DOCK2: variants seen among roughly 807,000 people sequenced by gnomAD.
DOCK2 encodes dedicator of cytokinesis protein 2.
Under a neutral mutation model 248.9 loss-of-function variants are expected in DOCK2, and 87 were observed. That is an observed-to-expected ratio of 0.35 (90% confidence interval 0.29 to 0.42). The LOEUF (loss-of-function observed/expected upper bound fraction) is 0.42. Ranked by LOEUF, DOCK2 falls within the 10% of genes least tolerant of loss-of-function variation. The pLI is 1.00. For synonymous variants in DOCK2, 805 were observed against 821.6 expected (o/e 0.98, Z 0.35); for missense variants, 1,747 against 2,300.2 (o/e 0.76, Z 4.92).
chr5:169,681,626 CTCTTCTAT>C (rs1398527395), intron 6 of DOCK2, 110 bp from the exon 7 acceptor site: 57 of 1,272,828 alleles, frequency 4.5e-5, no homozygotes, highest in Non-Finnish European at 5.4e-5. Flanking sequence ...CAGTGTAGAG[CTCTTCTAT>C]GTGACTATAT....
intron 25 of DOCK2, among the ~76,000 whole-genome samples, chr5:169,780,569 G>C (rs980361638): frequency 2.0e-5 from 3 of 152,066 alleles, no homozygotes; most frequent in Non-Finnish European, 4.4e-5. Context: ...CCTCCTTCTC[G>C]TGCTTCTCTA....
intron 14 of DOCK2, among the ~76,000 whole-genome samples, chr5:169,706,285 A>G (rs1379632894): frequency 6.6e-6 from 1 of 152,254 alleles, no homozygotes; most frequent in African/African-American, 2.4e-5. Context: ...CATGGGATTT[A>G]CTGTAACTAC....
chr5:169,642,318 GC>G (rs1247134989), intron 1 of DOCK2, among the ~76,000 whole-genome samples: 3 of 152,330 alleles, frequency 2.0e-5, no homozygotes, highest in Non-Finnish European at 2.9e-5. Flanking sequence ...GGCCAATATG[GC>G]CCCTATCCTT....
chr5:169,895,193 A>G (rs7708829), intron 27 of DOCK2, among the ~76,000 whole-genome samples: 53,470 of 152,114 alleles, frequency 0.35, 10,751 homozygotes, highest in Non-Finnish European at 0.45. Context: ...GACAAAGGAT[A>G]TCCTTTTTCT....
rs759367449 is a variant in DOCK2, at chr5:169,681,790, T to C, written c.517T>C (p.Leu173=). ...TGTCAGAGATGAAGACGGAAATATC[T>C]TGGACCCTGATAATACCAGTGTCAT... ...LIVRDEDGNI[L]DPDNTSVISL... Residue 173 remains leucine, a synonymous_variant, in exon 7 of 52, where the codon TTG becomes CTG. Coordinates refer to ENST00000520908, the MANE Select transcript of DOCK2 (RefSeq NM_004946.3). The C allele has an allele frequency of 7.4e-6, 12 of 1,613,738 alleles. No homozygotes were observed. Among genetic ancestry groups the C allele is most frequent in the African/African-American group, 2.7e-5 (2 of 74,938 alleles).
chr5:170,070,164 G>T (rs749000392), intron 46 of DOCK2, among the ~76,000 whole-genome samples: 1 of 152,254 alleles, frequency 6.6e-6, no homozygotes, highest in African/African-American at 2.4e-5. Flanking sequence ...GGTGGGCTCC[G>T]GAGGGCAGGA....
At chr5:169,962,881 G>A in intron 27 of DOCK2, among the ~76,000 whole-genome samples, 1 of 152,144 alleles carries the variant, frequency 6.6e-6, no homozygotes, top group South Asian at 2.1e-4. Context: ...CCAGAACAGA[G>A]AAAGCCTTAG....
chr5:169,797,310 A>G (rs1366151345), intron 25 of DOCK2, among the ~76,000 whole-genome samples: 3 of 152,226 alleles, frequency 2.0e-5, no homozygotes, highest in African/African-American at 7.2e-5. Context: ...GGCTGGATGC[A>G]CCTCAAGGTG....
intron 44 of DOCK2, among the ~76,000 whole-genome samples, chr5:170,061,504 TCA>T (rs1757326529): frequency 6.6e-6 from 1 of 152,238 alleles, no homozygotes; most frequent in East Asian, 1.9e-4. Flanking sequence ...ATTATCATGA[TCA>T]TTACTTTTAT....
At chr5:169,722,999 G>A (rs1762289139) in intron 22 of DOCK2, among the ~76,000 whole-genome samples, 1 of 152,204 alleles carries the variant, frequency 6.6e-6, no homozygotes. Context: ...CTGATTCTGT[G>A]TGTTGCTCTT....
intron 27 of DOCK2, among the ~76,000 whole-genome samples, chr5:169,904,863 A>C (rs1171265916): frequency 6.6e-6 from 1 of 152,104 alleles, no homozygotes; most frequent in Non-Finnish European, 1.5e-5. Flanking sequence ...AGACTATGGC[A>C]CCTTCACTGC....
intron 32 of DOCK2, among the ~76,000 whole-genome samples, 158 bp from the exon 33 acceptor site, chr5:170,018,802 G>A (rs1297993676): frequency 2.0e-5 from 3 of 152,210 alleles, no homozygotes; most frequent in Admixed American, 6.5e-5. Context: ...TATGTTAAGT[G>A]TTCAAAACGG....
chr5:169,995,862 A>G (rs191921744), intron 29 of DOCK2, among the ~76,000 whole-genome samples: 42 of 152,260 alleles, frequency 2.8e-4, no homozygotes, highest in African/African-American at 1.0e-3. Context: ...GACAATGCAA[A>G]TTTTCAAAAA....
At chr5:169,947,681 G>A (rs1411505872) in intron 27 of DOCK2, among the ~76,000 whole-genome samples, 1 of 152,158 alleles carries the variant, frequency 6.6e-6, no homozygotes, top group Non-Finnish European at 1.5e-5. Flanking sequence ...TTAACAGTAA[G>A]TGCAAACCTG....
chr5:169,771,506 C>A (rs1765084850), intron 25 of DOCK2, among the ~76,000 whole-genome samples: 1 of 152,186 alleles, frequency 6.6e-6, no homozygotes, highest in Non-Finnish European at 1.5e-5. Flanking sequence ...TGGTCTTGAA[C>A]TCCTGACCTT....
chr5:169,844,754 A>G (rs376609911), intron 27 of DOCK2, among the ~76,000 whole-genome samples: 5 of 135,228 alleles, frequency 3.7e-5, no homozygotes, highest in African/African-American at 1.4e-4. Flanking sequence ...TTTTTGAGTC[A>G]TTTTTATCTA....
At chr5:169,750,992 C>T (rs1006580981) in intron 23 of DOCK2, among the ~76,000 whole-genome samples, 13 of 152,178 alleles carry the variant, frequency 8.5e-5, no homozygotes, top group Admixed American at 7.9e-4. Context: ...GCCTTAGGCA[C>T]ATCGTTTCAG....
At chr5:169,774,868 G>A (rs1765288979) in intron 25 of DOCK2, among the ~76,000 whole-genome samples, 1 of 151,500 alleles carries the variant, frequency 6.6e-6, no homozygotes, top group East Asian at 1.9e-4. Context: ...CATCTGGTTA[G>A]TCATCCATAT....
At chr5:169,681,609 A>G (rs1759672791) in intron 6 of DOCK2, 135 bp from the exon 7 acceptor site, 1 of 1,069,502 alleles carries the variant, frequency 9.4e-7, no homozygotes, top group Admixed American at 2.3e-5. Context: ...GCAGTGTCCC[A>G]GGCTATCAGT....
Sources: gnomAD v4.1 joint callset for allele counts (sites outside exome capture counted in the v4.1 genomes callset) on GRCh38, gnomAD v4.1.1 for gene constraint, MANE v1.5 for transcripts, NCBI Gene and HGNC (gene_info 2026-07-23, HGNC 2026-07-21) for gene names.